The following MYO18B variants were observed in gnomAD, a reference collection of about 807,000 sequenced individuals.
The protein encoded by MYO18B is myosin XVIIIB.
A neutral mutation model predicts 273.0 loss-of-function variants in MYO18B; 204 were observed. That is an observed-to-expected ratio of 0.75 (90% CI 0.67 to 0.84). The LOEUF is 0.84. Ranked by LOEUF, MYO18B falls within the 40% of genes least tolerant of loss-of-function variation. The probability of loss-of-function intolerance (pLI) is 0.00; values close to 1 mark genes in which losing one functional copy is unlikely to be tolerated. For synonymous variants in MYO18B, 1,330 were observed against 1,305.7 expected (o/e 1.02, Z -0.40); for missense variants, 3,212 against 3,287.6 (o/e 0.98, Z 0.56).
intron 30 of MYO18B, 80 bp from the exon 31 acceptor site, chr22:25,903,551 G>A: frequency 3.5e-6 from 5 of 1,425,736 alleles, no homozygotes; most frequent in Admixed American, 4.3e-5. Context: ...TCCAGCCCCA[G>A]TTGGTTGTAG....
chr22:25,765,326 C>T (rs992036869), intron 3 of MYO18B, among the ~76,000 whole-genome samples: 1 of 152,222 alleles, frequency 6.6e-6, no homozygotes, highest in Admixed American at 6.5e-5. Context: ...ATAAATAACT[C>T]CGTACTCTCT....
chr22:25,959,265 CT>C (rs957809634), intron 39 of MYO18B: 17,432 of 119,266 alleles, frequency 0.15, 2,465 homozygotes, highest in African/African-American at 0.37. Context: ...CTCCATCTTC[CT>C]TTTTTTTTTT....
chr22:25,786,378 G>A (rs533677970), intron 11 of MYO18B, among the ~76,000 whole-genome samples: 1 of 152,064 alleles, frequency 6.6e-6, no homozygotes, highest in South Asian at 2.1e-4. Flanking sequence ...GGTTTTGAAG[G>A]ATGAATAGGA....
intron 11 of MYO18B, among the ~76,000 whole-genome samples, chr22:25,788,881 G>A (rs2087514386): frequency 6.6e-6 from 1 of 152,138 alleles, no homozygotes; most frequent in African/African-American, 2.4e-5. Flanking sequence ...GTGGCCTTAA[G>A]CAAGTGACCT....
chr22:25,818,250 TTC>T (rs1174748822), intron 12 of MYO18B, among the ~76,000 whole-genome samples: 3 of 152,134 alleles, frequency 2.0e-5, no homozygotes, highest in Non-Finnish European at 4.4e-5. Flanking sequence ...TTCTCTCTGT[TTC>T]TCTCTCTCTG....
chr22:25,849,253 G>T (rs1464897907), intron 20 of MYO18B, among the ~76,000 whole-genome samples: 1 of 152,208 alleles, frequency 6.6e-6, no homozygotes, highest in Non-Finnish European at 1.5e-5. Flanking sequence ...CACCATCTCT[G>T]TTCTCAGCAC....
In MYO18B at chr22:25,780,148, AT is replaced by A. The variant is rs1301703133; in HGVS notation, c.2162del (p.Met721SerfsTer54). 1.2e-6 allele frequency: 2 copies of A among 1,606,650 alleles called. No homozygotes were observed. The highest frequency in any genetic ancestry group is 2.7e-5 in the African/African-American group (2 of 74,722). Reference sequence around the variant, plus strand: ...CAGTGCCACCCGGTTCTCCATGGTGATGTCGCTGGACTTCAACGCTACAGGC... The same window carrying A: ...CAGTGCCACCCGGTTCTCCATGGTGAGTCGCTGGACTTCAACGCTACAGGC... The part of the protein sequence containing the change: ...SRSATRFSMV[M>X]SLDFNATGRI... On this transcript the variant is annotated frameshift_variant, in exon 9 of 44. Transcript: ENST00000335473. LOFTEE classifies it high-confidence loss of function.
Position 25,898,439 on chromosome 22 carries a change from G to A in MYO18B, c.4801G>A (p.Glu1601Lys). Residue 1601 changes from glutamate (E) to lysine (K), a missense_variant, in exon 29 of 44, where the codon GAG (glutamate) becomes AAG (lysine). Coordinates refer to ENST00000335473, the MANE Select transcript of MYO18B (RefSeq NM_032608.7). ...LLENQQSRNH[E>K]LEKKQKKFDL... ...AGAGAACCAACAAAGTCGAAACCATGAGCTGGAGAAGAAGCAGAAGAAGTG... is the reference window on the plus strand; with the variant it reads ...AGAGAACCAACAAAGTCGAAACCATAAGCTGGAGAAGAAGCAGAAGAAGTG... 2 of 1,613,812 alleles carry A rather than the reference G, an allele frequency of 1.2e-6. No homozygotes were observed. Among genetic ancestry groups the A allele is most frequent in the Non-Finnish European group, 1.7e-6 (2 of 1,179,810 alleles).
Position 25,773,522 on chromosome 22 carries a change from G to A in MYO18B, c.1869+1012G>A, listed in dbSNP as rs2086801435. Among the ~76,000 whole-genome samples the A allele has an allele frequency of 2.0e-5, 3 of 152,252 alleles. No individual in the cohort carries two copies. The South Asian group carries it at 6.2e-4, about 32-fold the overall frequency. ...TGTGTCGCCCAGGCTGGAGTGCAGT[G>A]GCACGATCTCGGCTCACTGCAAGCG... On this transcript the variant is annotated intron_variant, in intron 7 of 43. Transcript: ENST00000335473.
rs530464698 is a variant in MYO18B at position 25,951,323 on chromosome 22, T to C, written c.5832+873T>C. On this transcript the variant is annotated intron_variant, in intron 37 of 43. Transcript: ENST00000335473. ...TGGCTCCTGGAAACTGTTTCCTTCA[T>C]TCTTTTATTCATCAGTTCATTCAAA... Among the ~76,000 whole-genome samples, 19 of 152,360 alleles carry C rather than the reference T, an allele frequency of 1.2e-4. 1 individual carries two copies.
At chr22:26,009,887 G>A (rs182635490) in intron 42 of MYO18B, among the ~76,000 whole-genome samples, 35 of 152,194 alleles carry the variant, frequency 2.3e-4, no homozygotes, top group Non-Finnish European at 4.1e-4. Context: ...ACAGATGAAC[G>A]TCTTTATATT....
intron 11 of MYO18B, among the ~76,000 whole-genome samples, chr22:25,792,719 T>C (rs1297935242): frequency 2.0e-5 from 3 of 152,110 alleles, no homozygotes; most frequent in Non-Finnish European, 4.4e-5. Context: ...GGTTTCAATC[T>C]CGACCTCGTG....
chr22:25,990,686 C>CAAAAAAAAAAAAAAAAA (rs745998234), intron 39 of MYO18B, among the ~76,000 whole-genome samples: 20 of 27,028 alleles, frequency 7.4e-4, no homozygotes, highest in South Asian at 3.0e-3. Flanking sequence ...GACTTTGTCT[C>CAAAAAAAAAAAAAAAAA]AAAAAAAAAA....
chr22:25,753,149 G>A (rs181668753), intron 1 of MYO18B, among the ~76,000 whole-genome samples: 25 of 150,930 alleles, frequency 1.7e-4, no homozygotes, highest in Non-Finnish European at 3.7e-4. Flanking sequence ...CTGCCCAAGC[G>A]CTGATCAGTG....
At chr22:26,032,722 C>T (rs1760459172), downstream of MYO18B, among the ~76,000 whole-genome samples, 2 of 152,018 alleles carry the variant, frequency 1.3e-5, no homozygotes, top group African/African-American at 4.8e-5. Context: ...AGTGTTTCTC[C>T]ATGTTGGTCA....
chr22:26,013,845 ATTC>A (rs1335613930), intron 42 of MYO18B, among the ~76,000 whole-genome samples: 5 of 151,982 alleles, frequency 3.3e-5, no homozygotes, highest in Non-Finnish European at 7.4e-5. Flanking sequence ...CATTATTTTT[ATTC>A]TTCTTTGGTT....
rs1425027721 is a variant in MYO18B, at chr22:25,874,419, T to G, written c.4080+5T>G. On this transcript the variant is annotated splice_donor_5th_base_variant and intron_variant, in intron 23 of 43. Coordinates refer to ENST00000335473, the MANE Select transcript of MYO18B (RefSeq NM_032608.7). ...CAGGAATTCAAGAAGCTGAAGGTAC[T>G]GCATGCCGTTCCCATGAGGAGTCTG... 1 of 1,612,054 alleles carries G rather than the reference T, an allele frequency of 6.2e-7. No homozygotes were observed. The highest frequency in any genetic ancestry group is 1.1e-5 in the South Asian group (1 of 90,794).
At chr22:25,880,630 C>T (rs1297841617) in intron 25 of MYO18B, among the ~76,000 whole-genome samples, 3 of 152,178 alleles carry the variant, frequency 2.0e-5, no homozygotes, top group Non-Finnish European at 2.9e-5. Flanking sequence ...TGAACATCTC[C>T]CATGTGTTAG....
rs4049349 is a variant in MYO18B at position 25,876,003 on chromosome 22, C to CGTGTGT, written c.4081-149_4081-144dup. ...CAAAAAGACTACAAGAAAGGAAGCC[C>CGTGTGT]GTGTGTGTGTGTGTGTGTGTGTGTG... On this transcript the variant is annotated intron_variant, in intron 23 of 43. Coordinates refer to ENST00000335473, the MANE Select transcript of MYO18B (RefSeq NM_032608.7). Among the ~76,000 whole-genome samples the CGTGTGT allele has an allele frequency of 8.9e-3, 1,244 of 139,986 alleles. 8 individuals carry two copies. Among genetic ancestry groups the CGTGTGT allele is most frequent in the African/African-American group, 0.017 (634 of 37,334 alleles). 91.8% of individuals were successfully genotyped at this position (139,986 alleles called of 152,430 possible).
Sources: gnomAD v4.1 joint callset for allele counts (sites outside exome capture counted in the v4.1 genomes callset) on GRCh38, gnomAD v4.1.1 for gene constraint, MANE v1.5 for transcripts, NCBI Gene and HGNC (gene_info 2026-07-23, HGNC 2026-07-21) for gene names.